FAM98C: variants seen among roughly 807,000 people sequenced by gnomAD.
FAM98C encodes the protein protein FAM98C.
FAM98C carries 38 observed loss-of-function variants against 41.1 expected under a neutral mutation model. That is an observed-to-expected ratio of 0.92 (90% confidence interval 0.71 to 1.21). The LOEUF is 1.21. Among genes scored for constraint, FAM98C ranks in the 50% most tolerant of loss-of-function variants. The pLI is 0.00. For missense variants in FAM98C, 493 were observed against 484.7 expected (o/e 1.02, Z -0.16); for synonymous variants, 195 against 216.7 (o/e 0.90, Z 0.88).
At position 38,405,597 on chromosome 19, in the gene FAM98C, C is replaced by G; in HGVS notation, c.712C>G (p.Leu238Val). 6.2e-7 allele frequency: 1 copy of G among 1,614,204 alleles called. No homozygotes were observed. The highest frequency in any genetic ancestry group is 8.5e-7 in the Non-Finnish European group (1 of 1,180,042). Residue 238 changes from leucine to valine, a missense_variant, in exon 6 of 8, where the codon CTC (leucine) becomes GTC (valine). Leu to Val is a conservative substitution (Grantham distance 32, BLOSUM62 1). Coordinates refer to ENST00000252530, the MANE Select transcript of FAM98C (RefSeq NM_174905.4). Reference sequence around the variant, plus strand: ...CTGCCTCCTCCTCAAGCGCCTTGACCTCACTACATCTGCTTTCCACTGGAG... The same window carrying G: ...CTGCCTCCTCCTCAAGCGCCTTGACGTCACTACATCTGCTTTCCACTGGAG... ...RRCLLLKRLD[L>V]TTSAFHWSDR...
Position 38,403,512 on chromosome 19 carries a change from G to C in FAM98C, c.214+26G>C, listed in dbSNP as rs532960618. On this transcript the variant is annotated intron_variant, in intron 2 of 7. Coordinates refer to ENST00000252530, the MANE Select transcript of FAM98C (RefSeq NM_174905.4). ...GTAAACACGGAGCGGGAGGGTGGCA[G>C]GGGGGCCGCCACGGGGCCACCGAGC... 198 of 1,419,800 alleles carry C rather than the reference G, an allele frequency of 1.4e-4. 1 individual carries two copies. The African/African-American group carries it at 2.3e-3, about 17-fold the overall frequency. The allele number at this position is 1,419,800 out of a possible 1,614,324, so 88.0% of individuals were successfully genotyped here. A position where few individuals can be genotyped will look rare whatever the true frequency, so the allele number is the denominator to read the frequency against.
intron 7 of FAM98C, 54 bp from the exon 8 acceptor site, chr19:38,408,697 C>A: frequency 6.2e-7 from 1 of 1,613,086 alleles, no homozygotes; most frequent in Non-Finnish European, 8.5e-7. Flanking sequence ...GCTCTCTGGC[C>A]CCCTTGTCCA....
intron 3 of FAM98C, among the ~76,000 whole-genome samples, chr19:38,404,172 G>T (rs985029154): frequency 2.0e-5 from 3 of 151,450 alleles, no homozygotes; most frequent in Non-Finnish European, 1.5e-5. Context: ...GATTACAGGC[G>T]TGAGCCCACC....
intron 6 of FAM98C, chr19:38,405,938 C>G: frequency 3.5e-6 from 1 of 286,984 alleles, no homozygotes. Flanking sequence ...CTCACTGCAA[C>G]CTCCGACTCC....
In FAM98C at chr19:38,407,021, C is replaced by G. The variant is rs764693689; in HGVS notation, c.862C>G (p.Leu288Val). The change falls in exon 7 of 8, where the codon CTC (leucine) becomes GTC (valine). Residue 288 changes from leucine to valine, a missense_variant. Transcript: ENST00000252530. The part of the protein sequence containing the change: ...VLAARADLSC[L>V]VPATSVAVRR... ...GGCTGCCCGAGCCGACCTGTCTTGTCTCGTCCCAGCCACCAGCGTGGCTGT... is the reference window on the plus strand; with the variant it reads ...GGCTGCCCGAGCCGACCTGTCTTGTGTCGTCCCAGCCACCAGCGTGGCTGT... The G allele has an allele frequency of 1.7e-5, 27 of 1,614,084 alleles. No individual in the cohort carries two copies. The highest frequency in any genetic ancestry group is 2.3e-5 in the Non-Finnish European group (27 of 1,180,052).
intron 6 of FAM98C, 113 bp from the exon 7 acceptor site, chr19:38,406,797 T>A: frequency 8.8e-7 from 1 of 1,134,936 alleles, no homozygotes; most frequent in Non-Finnish European, 1.3e-6. Context: ...AATAAATATT[T>A]ATTTGAGCTG....
chr19:38,406,463 A>G (rs1381260949), intron 6 of FAM98C: 1 of 155,718 alleles, frequency 6.4e-6, no homozygotes, highest in Non-Finnish European at 1.4e-5. Flanking sequence ...CGCCTGGCCA[A>G]GTGTACCCCA....
Position 38,403,610 on chromosome 19 carries a change from G to C in FAM98C, c.265G>C (p.Glu89Gln). 2.7e-6 allele frequency: 4 copies of C among 1,486,840 alleles called. No homozygotes were observed. The highest frequency in any genetic ancestry group is 2.7e-6 in the Non-Finnish European group (3 of 1,130,596). 92.1% of individuals were successfully genotyped at this position (1,486,840 alleles called of 1,614,324 possible). Residue 89 changes from glutamate (E) to glutamine (Q), a missense_variant, in exon 3 of 8, where the codon GAG becomes CAG. Glu to Gln is a conservative substitution (Grantham distance 29). Coordinates refer to ENST00000252530, the MANE Select transcript of FAM98C (RefSeq NM_174905.4). ...FLRQLGSLLR[E>Q]LHCPDRALCG... ...GCGGCAGCTCGGCAGCCTGCTGCGGGAGCTGCACTGCCCGGATCGCGCGCT... is the reference window on the plus strand; with the variant it reads ...GCGGCAGCTCGGCAGCCTGCTGCGGCAGCTGCACTGCCCGGATCGCGCGCT...
chr19:38,408,066 T>C (rs1971073693), intron 7 of FAM98C: 1 of 151,732 alleles, frequency 6.6e-6, no homozygotes, highest in Admixed American at 6.6e-5. Context: ...CTGTAAGTAG[T>C]CTTATGTAAA....
At chr19:38,407,210 G>A (rs1353376071) in intron 7 of FAM98C, 133 bp downstream of exon 7, 8 of 1,058,786 alleles carry the variant, frequency 7.6e-6, no homozygotes, top group South Asian at 1.5e-5. Flanking sequence ...GAAGGACCTC[G>A]CTCACACAAA....
Position 38,405,027 on chromosome 19 carries a change from C to A in FAM98C, c.469C>A (p.Leu157Met). The change falls in exon 4 of 8, where the codon CTG (leucine) becomes ATG (methionine). Residue 157 changes from leucine to methionine, a missense_variant. Leu to Met is a conservative substitution (Grantham distance 15). Transcript: ENST00000252530. ...VVEGAGMVQELDLTLQALGLP... is the reference protein window; with the variant it reads ...VVEGAGMVQEMDLTLQALGLP... ...GGAGGGAGCCGGCATGGTCCAAGAA[C>A]TGGACCTTACCCTCCAAGCCCTGGG... 1 of 1,614,192 alleles carries A rather than the reference C, an allele frequency of 6.2e-7. No homozygotes were observed. Among genetic ancestry groups the A allele is most frequent in the South Asian group, 1.1e-5 (1 of 91,088 alleles).
At chr19:38,404,859 A>C in intron 3 of FAM98C, 49 bp from the exon 4 acceptor site, 1 of 1,603,030 alleles carries the variant, frequency 6.2e-7, no homozygotes, top group Non-Finnish European at 8.5e-7. Context: ...AAGATGGATG[A>C]GTGGGTAGCA....
At position 38,403,632 on chromosome 19, in the gene FAM98C, C is replaced by T. The variant is rs1043895766; in HGVS notation, c.287C>T (p.Ala96Val). The T allele has an allele frequency of 1.4e-6, 2 of 1,442,106 alleles. No individual in the cohort carries two copies. The highest frequency in any genetic ancestry group is 1.8e-6 in the Non-Finnish European group (2 of 1,109,932). The allele number at this position is 1,442,106 out of a possible 1,614,324, so 89.3% of individuals were successfully genotyped here. A position where few individuals can be genotyped will look rare whatever the true frequency, so the allele number is the denominator to read the frequency against. The change falls in exon 3 of 8, where the codon GCG (alanine) becomes GTG (valine). Residue 96 changes from alanine (A) to valine (V), a missense_variant. Physicochemically the swap from Ala to Val is moderately conservative, Grantham distance 64 (BLOSUM62 0). Transcript: ENST00000252530. ...CGGGAGCTGCACTGCCCGGATCGCG[C>T]GCTCTGCGGCGGGGATGGCGCGGCT... is the stretch of plus-strand genomic sequence containing the variant. Reference protein sequence around the residue: ...LLRELHCPDRALCGGDGAAAL... With the variant: ...LLRELHCPDRVLCGGDGAAAL...
chr19:38,405,260 G>A, intron 4 of FAM98C, 84 bp from the exon 5 acceptor site: 1 of 1,531,810 alleles, frequency 6.5e-7, no homozygotes, highest in Non-Finnish European at 8.9e-7. Flanking sequence ...CTGTGGCCTA[G>A]GTCCTCAGGG....
At chr19:38,408,578 A>G in intron 7 of FAM98C, 173 bp from the exon 8 acceptor site, 1 of 765,330 alleles carries the variant, frequency 1.3e-6, no homozygotes. Context: ...AAAAGAAAAA[A>G]GAAAGCTCAT....
intron 4 of FAM98C, 28 bp downstream of exon 4, chr19:38,405,141 T>C (rs1330713191): frequency 6.3e-7 from 1 of 1,590,776 alleles, no homozygotes; most frequent in South Asian, 1.1e-5. Flanking sequence ...CCTCCCGACC[T>C]GGGCTACCCC....
At position 38,408,618 on chromosome 19, in the gene FAM98C, C is replaced by T. The variant is rs1971087292; in HGVS notation, c.919-133C>T. 3.4e-6 allele frequency: 4 copies of T among 1,166,650 alleles called. No individual in the cohort carries two copies. In the Admixed American group the frequency reaches 5.8e-5, roughly 17 times the overall value. 72.3% of individuals were successfully genotyped at this position (1,166,650 alleles called of 1,614,324 possible). ...GTATCTTCCACCAGTTCAGTCCCCC[C>T]TCCCCCAGCCACTGTACTCAAATAG... On this transcript the variant is annotated intron_variant, in intron 7 of 7. Transcript: ENST00000252530.
Position 38,403,133 on chromosome 19 carries a change from G to T in FAM98C, c.-21G>T. On this transcript the variant is annotated 5_prime_UTR_variant, in exon 1 of 8. Transcript: ENST00000252530. ...GGAGCCTGCCACCGGCCGCCAGGGGGCGCGCCGAGACCACACTTTCATGGA... is the reference window on the plus strand; with the variant it reads ...GGAGCCTGCCACCGGCCGCCAGGGGTCGCGCCGAGACCACACTTTCATGGA... 1 of 1,510,860 alleles carries T rather than the reference G, an allele frequency of 6.6e-7. No homozygotes were observed. The highest frequency in any genetic ancestry group is 8.7e-7 in the Non-Finnish European group (1 of 1,144,952). 93.6% of individuals were successfully genotyped at this position (1,510,860 alleles called of 1,614,324 possible). A position where few individuals can be genotyped will look rare whatever the true frequency, so the allele number is the denominator to read the frequency against.
rs768730407 is a variant in FAM98C, at chr19:38,403,547, C to T, written c.215-13C>T. The T allele has an allele frequency of 6.7e-7, 1 of 1,485,716 alleles. No homozygotes were observed. Among genetic ancestry groups the T allele is most frequent in the Non-Finnish European group, 8.9e-7 (1 of 1,126,910 alleles). 92.0% of individuals were successfully genotyped at this position (1,485,716 alleles called of 1,614,324 possible). ...CACGGGGCCACCGAGCCCTGACACC[C>T]CTGTCCTCGCAGGCCCTGGCGCGGA... On this transcript the variant is annotated splice_polypyrimidine_tract_variant and intron_variant, in intron 2 of 7. Transcript: ENST00000252530.
Sources: allele counts gnomAD v4.1 joint callset (sites outside exome capture counted in the v4.1 genomes callset), GRCh38; gene constraint gnomAD v4.1.1; transcripts MANE v1.5; gene names NCBI Gene and HGNC (gene_info 2026-07-23, HGNC 2026-07-21).